Variants in PTPRH observed in about 807,000 individuals in gnomAD.
The protein encoded by PTPRH is protein tyrosine phosphatase receptor type H.
In PTPRH, 113 loss-of-function variants were observed where a neutral mutation model predicts 130.2. The observed-to-expected ratio is 0.87, with a 90% CI of 0.75 to 1.01. The LOEUF is 1.01. Ranked by LOEUF, PTPRH falls within the 50% of genes least tolerant of loss-of-function variation. The pLI is 0.00. For synonymous variants in PTPRH, 556 were observed against 577.9 expected, an observed-to-expected ratio of 0.96 and a Z score of 0.54; for missense variants, 1,430 against 1,425.0, an observed-to-expected ratio of 1.00 and a Z score of -0.06.
In PTPRH at chr19:55,181,793, C is replaced by G; in HGVS notation, c.3309G>C (p.Glu1103Asp). The G allele has an allele frequency of 6.2e-7, 1 of 1,614,190 alleles. No homozygotes were observed. ...PYEDVENLIY[E>D]NVAAIQAHKL... Reference sequence around the variant, plus strand: ...TGTGGGCCTGGATGGCGGCCACGTTCTCGTAGATGAGGTTTTCGACATCCT... The same window carrying G: ...TGTGGGCCTGGATGGCGGCCACGTTGTCGTAGATGAGGTTTTCGACATCCT... Residue 1103 changes from glutamate to aspartate, a missense_variant, in exon 20 of 20, where the codon GAG becomes GAC. Coordinates refer to ENST00000376350, the MANE Select transcript of PTPRH (RefSeq NM_002842.5).
intron 16 of PTPRH, 68 bp downstream of exon 16, chr19:55,186,157 T>C: frequency 6.4e-7 from 1 of 1,573,976 alleles, no homozygotes; most frequent in East Asian, 2.3e-5. Context: ...GGGTGTGGGG[T>C]CTACATTGGA....
chr19:55,205,229 G>A (rs1267108279), intron 4 of PTPRH, 97 bp downstream of exon 4: 5 of 1,548,876 alleles, frequency 3.2e-6, no homozygotes, highest in South Asian at 2.5e-5. Flanking sequence ...CTGGCTCAAT[G>A]TGGCCCAGAG....
rs202089112 is a variant in PTPRH, at chr19:55,198,928, G to C, written c.1421-16C>G. The C allele has an allele frequency of 4.7e-6, 7 of 1,498,038 alleles. No individual in the cohort carries two copies. The Admixed American group carries it at 6.7e-5, about 14-fold the overall frequency. The allele number at this position is 1,498,038 out of a possible 1,614,324, so 92.8% of individuals were successfully genotyped here. Reference sequence around the variant, plus strand: ...GCGTTGGGGACTGGGAGAGGGAGCAGAGTCAGGATTTCCACATCCCCTAGT... The same window carrying C: ...GCGTTGGGGACTGGGAGAGGGAGCACAGTCAGGATTTCCACATCCCCTAGT... On this transcript the variant is annotated splice_polypyrimidine_tract_variant and intron_variant, in intron 7 of 19. Coordinates refer to ENST00000376350, the MANE Select transcript of PTPRH (RefSeq NM_002842.5).
At chr19:55,184,905 C>T (rs531542943) in intron 18 of PTPRH, among the ~76,000 whole-genome samples, 3 of 152,244 alleles carry the variant, frequency 2.0e-5, no homozygotes, top group East Asian at 1.9e-4. Flanking sequence ...TCCAGTGTTT[C>T]TCAGAATCTG....
chr19:55,206,787 G>A lies in PTPRH; in HGVS notation c.254C>T (p.Thr85Ile), dbSNP rs2087074562. 1 of 1,614,038 alleles carries A rather than the reference G, an allele frequency of 6.2e-7. No homozygotes were observed. The change falls in exon 3 of 20, where the codon ACC (threonine) becomes ATC (isoleucine). Residue 85 changes from threonine to isoleucine, a missense_variant. Physicochemically the swap from Thr to Ile is moderately conservative, Grantham distance 89 (BLOSUM62 -1). Coordinates refer to ENST00000376350, the MANE Select transcript of PTPRH (RefSeq NM_002842.5). ...TGACCCGGGTCCAAGGCCATCCACGGTGACGTTGGTGGCTGTTGTGTTTCG... is the reference window on the plus strand; with the variant it reads ...TGACCCGGGTCCAAGGCCATCCACGATGACGTTGGTGGCTGTTGTGTTTCG... ...ETRNTTATNV[T>I]VDGLGPGSLY...
intron 6 of PTPRH, among the ~76,000 whole-genome samples, chr19:55,201,152 A>G (rs1600061872): frequency 6.6e-6 from 1 of 152,208 alleles, no homozygotes; most frequent in Non-Finnish European, 1.5e-5. Flanking sequence ...GGGCTGAGGT[A>G]GGGAGATTGC....
rs1273987783 is a variant in PTPRH, at chr19:55,209,293, C to T, written c.51+90G>A. ...CCAGGGGATCTTCAGCACCTACTTCCTCAAGATCGAGGTGCAGGCACCCAG... is the reference window on the plus strand; with the variant it reads ...CCAGGGGATCTTCAGCACCTACTTCTTCAAGATCGAGGTGCAGGCACCCAG... On this transcript the variant is annotated intron_variant, in intron 1 of 19. Coordinates refer to ENST00000376350, the MANE Select transcript of PTPRH (RefSeq NM_002842.5). The surrounding 1 kb of genome is among the most constrained non-coding windows in gnomAD (Gnocchi z 4.1). The T allele has an allele frequency of 9.6e-6, 11 of 1,140,930 alleles. No homozygotes were observed. Among genetic ancestry groups the T allele is most frequent in the Non-Finnish European group, 1.3e-6 (1 of 772,516 alleles). The allele number at this position is 1,140,930 out of a possible 1,614,324, so 70.7% of individuals were successfully genotyped here. A position where few individuals can be genotyped will look rare whatever the true frequency, so the allele number is the denominator to read the frequency against.
At position 55,203,987 on chromosome 19, in the gene PTPRH, G is replaced by A. The variant is rs760550842; in HGVS notation, c.681C>T (p.Ser227=). 1.9e-6 allele frequency: 3 copies of A among 1,614,210 alleles called. No homozygotes were observed. The South Asian group carries it at 3.3e-5, about 18-fold the overall frequency. ...EAQTTSSISL[S]WEVPDGTDPQ... ...GGTCTGTGCCATCGGGGACCTCCCAGCTCAGGGAGATGGAGCTGGTGGTCT... is the reference window on the plus strand; with the variant it reads ...GGTCTGTGCCATCGGGGACCTCCCAACTCAGGGAGATGGAGCTGGTGGTCT... Residue 227 remains serine, a synonymous_variant, in exon 5 of 20, where the codon AGC becomes AGT. Coordinates refer to ENST00000376350, the MANE Select transcript of PTPRH (RefSeq NM_002842.5).
chr19:55,201,520 T>C (rs2122218276), intron 6 of PTPRH, among the ~76,000 whole-genome samples: 1 of 152,364 alleles, frequency 6.6e-6, no homozygotes, highest in East Asian at 1.9e-4. Flanking sequence ...TTTGAGCACA[T>C]GAAATGTGAA....
In PTPRH at chr19:55,185,874, C is replaced by T. The variant is rs1455008629; in HGVS notation, c.2889G>A (p.Leu963=). The change falls in exon 17 of 20, where the codon CTG becomes CTA. Residue 963 remains leucine (L), a synonymous_variant. Transcript: ENST00000376350. ...TGGACACACGCACCTGGAGGAGCAG[C>T]AGTTCCCGCACCGTCCAGTTCTCCA... ...EVMENWTVRE[L]LLLQVEEQKT... The T allele has an allele frequency of 1.2e-6, 2 of 1,614,020 alleles. No individual in the cohort carries two copies. Among genetic ancestry groups the T allele is most frequent in the African/African-American group, 2.7e-5 (2 of 74,914 alleles).
Position 55,203,920 on chromosome 19 carries a change from C to T in PTPRH, c.748G>A (p.Gly250Ser). The part of the protein sequence containing the change: ...TYCVQCTGDG[G>S]RTETRNTTDT... Reference sequence around the variant, plus strand: ...GTTGTGTTTCGAGTCTCTGTTCTGCCACCATCTCCAGTGCACTGAACGCAG... The same window carrying T: ...GTTGTGTTTCGAGTCTCTGTTCTGCTACCATCTCCAGTGCACTGAACGCAG... The change falls in exon 5 of 20, where the codon GGC becomes AGC. Residue 250 changes from glycine to serine, a missense_variant. Transcript: ENST00000376350. 1.9e-6 allele frequency: 3 copies of T among 1,614,166 alleles called. No individual in the cohort carries two copies. Among genetic ancestry groups the T allele is most frequent in the Admixed American group, 1.7e-5 (1 of 60,006 alleles).
chr19:55,203,879 G>A lies in PTPRH; in HGVS notation c.789C>T (p.Thr263=), dbSNP rs537508984. Residue 263 remains threonine (T), a synonymous_variant, in exon 5 of 20, where the codon ACC becomes ACT. Coordinates refer to ENST00000376350, the MANE Select transcript of PTPRH (RefSeq NM_002842.5). ...ETRNTTDTRV[T]VDGLGPGSLY... is the part of the protein sequence containing the mutation. ...ATGACCCGGGTCCAAGGCCATCCAC[G>A]GTGACTCTGGTGTCTGTTGTGTTTC... 3.6e-4 allele frequency: 587 copies of A among 1,614,126 alleles called. 10 individuals carry two copies. In the South Asian group the frequency reaches 6.0e-3, roughly 16 times the overall value.
rs561780580 is a variant in PTPRH at position 55,206,875 on chromosome 19, G to T, written c.166C>A (p.Leu56Ile). Residue 56 changes from leucine (L) to isoleucine (I), a missense_variant, in exon 3 of 20, where the codon CTA becomes ATA. By Grantham distance (5) the Leu-to-Ile change is conservative. Transcript: ENST00000376350. ...ISLSWEVPDGLDSQNSNYWVQ... is the reference protein window; with the variant it reads ...ISLSWEVPDGIDSQNSNYWVQ... ...CAGTAGTTGGAGTTCTGTGAGTCTA[G>T]GCCATCGGGGACCTCCCAGCTCAGG... The T allele has an allele frequency of 1.9e-6, 3 of 1,613,980 alleles. No individual in the cohort carries two copies. Among genetic ancestry groups the T allele is most frequent in the Non-Finnish European group, 2.5e-6 (3 of 1,179,876 alleles).
At chr19:55,194,747 A>T (rs1386051856) in intron 10 of PTPRH, among the ~76,000 whole-genome samples, 2 of 152,214 alleles carry the variant, frequency 1.3e-5, no homozygotes, top group African/African-American at 2.4e-5. Flanking sequence ...GTGATCCCTC[A>T]GTTCCACTAC....
Position 55,197,363 on chromosome 19 carries a change from T to C in PTPRH, c.1744A>G (p.Met582Val), listed in dbSNP as rs1344198625. The C allele has an allele frequency of 1.9e-6, 3 of 1,614,072 alleles. No homozygotes were observed. Among genetic ancestry groups the C allele is most frequent in the East Asian group, 4.5e-5 (2 of 44,902 alleles). The change falls in exon 9 of 20, where the codon ATG (methionine) becomes GTG (valine). Residue 582 changes from methionine to valine, a missense_variant. Coordinates refer to ENST00000376350, the MANE Select transcript of PTPRH (RefSeq NM_002842.5). ...QNETQTKNSV[M>V]LWWKAPGDPH... ...TCTCCAGGGGCCTTCCACCACAGCA[T>C]GACTGAGTTCTTAGTCTGAGTTTCA...
At chr19:55,200,076 C>A (rs2086810410) in intron 7 of PTPRH, among the ~76,000 whole-genome samples, 160 bp downstream of exon 7, 1 of 152,198 alleles carries the variant, frequency 6.6e-6, no homozygotes, top group South Asian at 2.1e-4. Flanking sequence ...CAGGGCAGAG[C>A]CAGCCCCCAG....
At chr19:55,203,745 T>G in intron 5 of PTPRH, 37 bp downstream of exon 5, 1 of 1,573,826 alleles carries the variant, frequency 6.4e-7, no homozygotes, top group Non-Finnish European at 8.7e-7. Context: ...ACTGTCCTTA[T>G]AAAAGAAATA....
At chr19:55,196,827 G>C (rs1407950019) in intron 9 of PTPRH, 39 bp from the exon 10 acceptor site, 1 of 1,592,424 alleles carries the variant, frequency 6.3e-7, no homozygotes, top group African/African-American at 1.3e-5. Flanking sequence ...TGCCATCCAA[G>C]GTGGCTTTCC....
At chr19:55,191,958 A>ACCT (rs10545294) in intron 10 of PTPRH, 35 of 662,458 alleles carry the variant, frequency 5.3e-5, no homozygotes, top group Non-Finnish European at 9.4e-5. Context: ...CCCCTCTCCT[A>ACCT]CCTCCTCCTC....
Sources: allele counts gnomAD v4.1 joint callset (sites outside exome capture counted in the v4.1 genomes callset), GRCh38; gene constraint gnomAD v4.1.1; non-coding constraint Gnocchi (gnomAD v3.1); transcripts MANE v1.5; gene names NCBI Gene and HGNC (gene_info 2026-07-23, HGNC 2026-07-21).